The following ZNF362 variants were observed in gnomAD, a reference collection of about 807,000 sequenced individuals.
The protein encoded by ZNF362 is zinc finger protein 362, also known as rotund homolog.
A neutral mutation model predicts 42.9 loss-of-function variants in ZNF362; 11 were observed. The observed-to-expected ratio is 0.26, with a 90% CI of 0.16 to 0.42. The LOEUF (loss-of-function observed/expected upper bound fraction) is 0.42. ZNF362 is among the 20% of genes least tolerant of loss of function. The pLI is 1.00. For synonymous variants in ZNF362, 255 were observed against 257.3 expected (o/e 0.99, Z 0.09); for missense variants, 362 against 576.2 (o/e 0.63, Z 3.81).
At chr1:33,163,489 A>T in the ZNF362 span, 1 of 152,230 alleles carries the variant, frequency 6.6e-6, no homozygotes, top group Non-Finnish European at 1.5e-5. Context: ...GCACAGAGAA[A>T]AGTTCTGCTC....
the ZNF362 span, chr1:33,176,551 C>T: frequency 0.76 from 457,027 of 604,716 alleles, 173,264 homozygotes; most frequent in Admixed American, 0.8. Flanking sequence ...GAACCTGAGA[C>T]GGCCAGAGAG....
chr1:33,158,465 T>A, the ZNF362 span: 2 of 927,372 alleles, frequency 2.2e-6, no homozygotes. Context: ...TGGCATAGGA[T>A]GTGGTCATGA....
chr1:33,135,936 C>T, the ZNF362 span, among the ~76,000 whole-genome samples: 3 of 151,404 alleles, frequency 2.0e-5, no homozygotes, highest in African/African-American at 7.3e-5. Context: ...GCCCAGCCCT[C>T]CCTCCCCACC....
the ZNF362 span, among the ~76,000 whole-genome samples, chr1:33,159,015 AT>A: frequency 4.7e-5 from 7 of 149,872 alleles, no homozygotes; most frequent in Non-Finnish European, 7.4e-5. This position sits in a 1 kb window ranked among gnomAD's most constrained non-coding sequence, Gnocchi z 4.2. Context: ...TAATTTTTGT[AT>A]TTTTTTTTAG....
the ZNF362 span, chr1:33,181,427 C>T: frequency 4.4e-6 from 7 of 1,593,420 alleles, no homozygotes; most frequent in Admixed American, 6.9e-5. The surrounding 1 kb of genome is among the most constrained non-coding windows in gnomAD (Gnocchi z 6.5). Context: ...TGAGGCTGCA[C>T]GCCATGGCGC....
At chr1:33,285,192 T>A (rs1394654976) in intron 6 of ZNF362, among the ~76,000 whole-genome samples, 2 of 152,152 alleles carry the variant, frequency 1.3e-5, no homozygotes, top group African/African-American at 4.8e-5. Flanking sequence ...GACAGGTGGA[T>A]CACTTGAGGT....
the ZNF362 span, among the ~76,000 whole-genome samples, chr1:33,136,698 C>T: frequency 6.6e-6 from 1 of 151,360 alleles, no homozygotes; most frequent in Non-Finnish European, 1.5e-5. Flanking sequence ...TCCCCAACAA[C>T]TGTCTATGAA....
intron 1 of ZNF362, 81 bp from the exon 2 acceptor site, chr1:33,270,406 A>T (rs1557789574): frequency 1.7e-6 from 1 of 591,196 alleles, no homozygotes; most frequent in Admixed American, 3.1e-5. Flanking sequence ...TATTCAACAC[A>T]TAGATGTTGA....
chr1:33,204,329 A>G, the ZNF362 span, among the ~76,000 whole-genome samples: 2 of 152,058 alleles, frequency 1.3e-5, no homozygotes, highest in Non-Finnish European at 2.9e-5. Context: ...CCATTTGTCT[A>G]TGTGTCTGTC....
chr1:33,221,234 C>T, the ZNF362 span, among the ~76,000 whole-genome samples: 15 of 152,310 alleles, frequency 9.8e-5, no homozygotes, highest in South Asian at 2.7e-3. Context: ...TAAGCAAACC[C>T]CAGCCGCAGG....
the ZNF362 span, among the ~76,000 whole-genome samples, chr1:33,196,699 C>G: frequency 1.8e-4 from 28 of 152,132 alleles, no homozygotes; most frequent in African/African-American, 6.5e-4. Flanking sequence ...CCAGTAACAG[C>G]TGTTTATTAT....
chr1:33,272,216 T>G (rs1428116611), intron 2 of ZNF362, among the ~76,000 whole-genome samples: 1 of 152,130 alleles, frequency 6.6e-6, no homozygotes, highest in Non-Finnish European at 1.5e-5. Context: ...GCCATAAGCT[T>G]TGACCTCAGG....
chr1:33,256,888 T>C (rs1570376153), intron 1 of ZNF362, among the ~76,000 whole-genome samples: 1 of 150,216 alleles, frequency 6.7e-6, no homozygotes, highest in East Asian at 2.0e-4. Flanking sequence ...GCGGCGTGTC[T>C]GGGGCTGGTC....
At chr1:33,199,770 C>CA in the ZNF362 span, 1 of 152,310 alleles carries the variant, frequency 6.6e-6, no homozygotes, top group South Asian at 2.1e-4. Context: ...GTAATCCCAG[C>CA]ACTTTGGGAG....
the ZNF362 span, chr1:33,199,828 G>T: frequency 3.9e-5 from 6 of 152,004 alleles, no homozygotes; most frequent in Non-Finnish European, 8.8e-5. Context: ...GACCATCCTG[G>T]CATGGGGAAA....
chr1:33,223,333 T>G, the ZNF362 span, among the ~76,000 whole-genome samples: 1 of 152,214 alleles, frequency 6.6e-6, no homozygotes, highest in Non-Finnish European at 1.5e-5. Flanking sequence ...CTGTGAGATG[T>G]GCCTTTTACC....
chr1:33,296,432 T>C (rs4652988), intron 8 of ZNF362, among the ~76,000 whole-genome samples: 149,337 of 152,208 alleles, frequency 0.98, 73,323 homozygotes, highest in Middle Eastern at 1. Context: ...GGAGCTCCTT[T>C]TGTCCCTGCC....
At chr1:33,247,004 G>T in the ZNF362 span, among the ~76,000 whole-genome samples, 6 of 152,208 alleles carry the variant, frequency 3.9e-5, no homozygotes, top group African/African-American at 1.4e-4. Flanking sequence ...ATGTTCAAGA[G>T]GTGCAGAGAG....
chr1:33,156,557 C>T, the ZNF362 span, among the ~76,000 whole-genome samples: 1 of 152,172 alleles, frequency 6.6e-6, no homozygotes, highest in African/African-American at 2.4e-5. Flanking sequence ...TTGGCTGGGT[C>T]CCCCTCTTGT....
Sources: gnomAD v4.1 joint callset for allele counts (sites outside exome capture counted in the v4.1 genomes callset) on GRCh38, gnomAD v4.1.1 for gene constraint, Gnocchi (gnomAD v3.1) non-coding constraint, MANE v1.5 for transcripts, NCBI Gene and HGNC (gene_info 2026-07-23, HGNC 2026-07-21) for gene names.